The following GRM1 variants were observed in gnomAD, a reference collection of about 807,000 sequenced individuals.
The protein encoded by GRM1 is glutamate metabotropic receptor 1.
Under a neutral mutation model 90.9 loss-of-function variants are expected in GRM1, and 33 were observed. The observed-to-expected ratio is 0.36, with a 90% CI of 0.28 to 0.49. The LOEUF (loss-of-function observed/expected upper bound fraction) is 0.49. Ranked by LOEUF, GRM1 falls within the 20% of genes least tolerant of loss-of-function variation. The probability of loss-of-function intolerance (pLI) is 0.99; values close to 1 mark genes in which losing one functional copy is unlikely to be tolerated. For synonymous variants in GRM1, 700 were observed against 613.2 expected (o/e 1.14, Z -2.09); for missense variants, 1,190 against 1,534.3 (o/e 0.78, Z 3.75).
In GRM1 at chr6:146,434,450, T is replaced by C; in HGVS notation, c.3239T>C (p.Leu1080Pro). 6.2e-7 allele frequency: 1 copy of C among 1,613,976 alleles called. No individual in the cohort carries two copies. Among genetic ancestry groups the C allele is most frequent in the Non-Finnish European group, 8.5e-7 (1 of 1,179,974 alleles). Residue 1080 changes from leucine to proline, a missense_variant, in exon 8 of 8, where the codon CTG becomes CCG. This residue lies in a region of GRM1 where 400 missense variants were observed against 360.8 expected (regional missense o/e 1.11). Transcript: ENST00000282753. The part of the protein sequence containing the change: ...PPPQHLQMLP[L>P]QLSTFGEELV... Reference sequence around the variant, plus strand: ...CCGCAGCACCTGCAGATGCTGCCGCTGCAGCTGAGCACCTTTGGGGAGGAG... The same window carrying C: ...CCGCAGCACCTGCAGATGCTGCCGCCGCAGCTGAGCACCTTTGGGGAGGAG...
intron 2 of GRM1, among the ~76,000 whole-genome samples, chr6:146,253,018 A>G (rs188680597): frequency 6.6e-6 from 1 of 152,130 alleles, no homozygotes; most frequent in Non-Finnish European, 1.5e-5. Flanking sequence ...TGAGATTGTG[A>G]CACTGTGCTC....
intron 5 of GRM1, among the ~76,000 whole-genome samples, chr6:146,362,000 T>C (rs529800728): frequency 6.6e-6 from 1 of 152,330 alleles, no homozygotes; most frequent in South Asian, 2.1e-4. Flanking sequence ...GACTGAGACA[T>C]TGACAGAGAA....
intron 2 of GRM1, among the ~76,000 whole-genome samples, chr6:146,251,917 A>T (rs1315733157): frequency 6.6e-6 from 1 of 152,050 alleles, no homozygotes; most frequent in African/African-American, 2.4e-5. Context: ...GCTCTTCCTC[A>T]TATATTTCCA....
At chr6:146,326,173 C>T (rs974105044) in intron 3 of GRM1, among the ~76,000 whole-genome samples, 3 of 152,054 alleles carry the variant, frequency 2.0e-5, no homozygotes, top group African/African-American at 4.8e-5. Flanking sequence ...ACAATAGCAA[C>T]GATGTGGAAT....
rs79794190 is a variant in GRM1, at chr6:146,113,550, G to A, written c.701-45798G>A. ...GACTGAAGACTTCAAAAGTGAGAAT[G>A]CAAATGAGGATAGCTTCATTTCGTT... On this transcript the variant is annotated intron_variant, in intron 1 of 7. Coordinates refer to ENST00000282753, the MANE Select transcript of GRM1 (RefSeq NM_001278064.2). 6.8e-3 allele frequency among the ~76,000 whole-genome samples: 1,034 copies of A among 152,244 alleles called. 14 individuals are homozygous for A. The highest frequency in any genetic ancestry group is 0.023 in the African/African-American group (956 of 41,544).
In GRM1 at chr6:146,404,412, A is replaced by C. The variant is rs2300623; in HGVS notation, c.2660+4713A>C. 4.2e-3 allele frequency among the ~76,000 whole-genome samples: 632 copies of C among 152,242 alleles called. 15 individuals are homozygous for C. The East Asian group carries it at 0.078, about 19-fold the overall frequency. Reference sequence around the variant, plus strand: ...GACACTAAAAAATATAACTAAATGTACTGTGCTATGTGCCATAGTAGAAAA... The same window carrying C: ...GACACTAAAAAATATAACTAAATGTCCTGTGCTATGTGCCATAGTAGAAAA... On this transcript the variant is annotated intron_variant, in intron 7 of 7. Coordinates refer to ENST00000282753, the MANE Select transcript of GRM1 (RefSeq NM_001278064.2).
chr6:146,041,732 G>A (rs759554881), intron 1 of GRM1, among the ~76,000 whole-genome samples: 28 of 151,960 alleles, frequency 1.8e-4, no homozygotes, highest in African/African-American at 5.5e-4. Context: ...CCTCAGCTTC[G>A]AATTCTGGGT....
intron 1 of GRM1, among the ~76,000 whole-genome samples, chr6:146,087,374 G>A (rs984174455): frequency 9.2e-5 from 14 of 152,088 alleles, no homozygotes; most frequent in Admixed American, 7.9e-4. Flanking sequence ...GTCAAAACCA[G>A]GAAACTAACA....
At chr6:146,350,959 T>C (rs1428242531) in intron 3 of GRM1, among the ~76,000 whole-genome samples, 1 of 152,216 alleles carries the variant, frequency 6.6e-6, no homozygotes, top group Admixed American at 6.5e-5. Context: ...AGGGTAGATA[T>C]AAGGATATCC....
rs544762481 is a variant in GRM1, at chr6:146,291,739, C to A, written c.951-12872C>A. ...AATATTACTAATATGATAAAACTAT[C>A]TAAACAAATCTGTAAGTTTCAATTC... On this transcript the variant is annotated intron_variant, in intron 2 of 7. Coordinates refer to ENST00000282753, the MANE Select transcript of GRM1 (RefSeq NM_001278064.2). Among the ~76,000 whole-genome samples the A allele has an allele frequency of 2.0e-5, 3 of 151,970 alleles. No homozygotes were observed. In the East Asian group the frequency reaches 5.8e-4, roughly 29 times the overall value.
rs115297047 is a variant in GRM1, at chr6:146,435,139, G to A, written c.*343G>A. The A allele has an allele frequency of 2.4e-6, 1 of 415,450 alleles. No individual in the cohort carries two copies. The highest frequency in any genetic ancestry group is 4.5e-6 in the Non-Finnish European group (1 of 220,586). 25.7% of individuals were successfully genotyped at this position (415,450 alleles called of 1,614,324 possible). A position where few individuals can be genotyped will look rare whatever the true frequency, so the allele number is the denominator to read the frequency against. On this transcript the variant is annotated 3_prime_UTR_variant, in exon 8 of 8. Transcript: ENST00000282753. Reference sequence around the variant, plus strand: ...ACATAATGTCCTCTTTTGCACAATTGTGCATAGATATATATATGCCCACAC... The same window carrying A: ...ACATAATGTCCTCTTTTGCACAATTATGCATAGATATATATATGCCCACAC...
chr6:146,185,859 C>T (rs776138751), intron 2 of GRM1, among the ~76,000 whole-genome samples: 1 of 152,106 alleles, frequency 6.6e-6, no homozygotes, highest in African/African-American at 2.4e-5. Context: ...GAGAGTAATA[C>T]CATTAAGCTC....
Position 146,341,243 on chromosome 6 carries a change from T to G in GRM1, c.1187-11007T>G, listed in dbSNP as rs543310780. On this transcript the variant is annotated intron_variant, in intron 3 of 7. Coordinates refer to ENST00000282753, the MANE Select transcript of GRM1 (RefSeq NM_001278064.2). ...TTTTTCCTGTTTTCTTGGTTTTGGT[T>G]AGAAAAACCAAGTGGTTAGCAGTAT... Among the ~76,000 whole-genome samples the G allele has an allele frequency of 6.6e-5, 10 of 152,272 alleles. No homozygotes were observed. In the South Asian group the frequency reaches 2.1e-3, roughly 32 times the overall value.
rs140910734 is a variant in GRM1 at position 146,029,933 on chromosome 6, G to C, written c.416G>C (p.Arg139Pro). ...SIRDEKDGIN[R>P]CLPDGQSLPP... is the part of the protein sequence containing the mutation. ...CGAGATGAGAAGGATGGGATCAACC[G>C]GTGTCTGCCTGACGGCCAGTCCCTC... is the stretch of plus-strand genomic sequence containing the variant. Residue 139 changes from arginine to proline, a missense_variant, in exon 1 of 8, where the codon CGG becomes CCG. Coordinates refer to ENST00000282753, the MANE Select transcript of GRM1 (RefSeq NM_001278064.2). 1.9e-6 allele frequency: 3 copies of C among 1,614,136 alleles called. No homozygotes were observed. The highest frequency in any genetic ancestry group is 2.5e-6 in the Non-Finnish European group (3 of 1,180,020).
chr6:146,158,173 G>C (rs1219311340), intron 1 of GRM1, among the ~76,000 whole-genome samples: 1 of 152,102 alleles, frequency 6.6e-6, no homozygotes, highest in East Asian at 1.9e-4. Context: ...CATGGAATAG[G>C]TAGATGGTTG....
intron 3 of GRM1, among the ~76,000 whole-genome samples, chr6:146,305,181 G>A (rs1216150007): frequency 6.6e-6 from 1 of 151,888 alleles, no homozygotes; most frequent in Non-Finnish European, 1.5e-5. Context: ...ATAGACATAA[G>A]TCAGCAATAC....
chr6:146,307,610 A>G (rs1233259654), intron 3 of GRM1, among the ~76,000 whole-genome samples: 1 of 152,166 alleles, frequency 6.6e-6, no homozygotes, highest in Non-Finnish European at 1.5e-5. Context: ...GAATTCCATA[A>G]TCTTCTAACA....
intron 1 of GRM1, among the ~76,000 whole-genome samples, chr6:146,107,312 A>G (rs1031876913): frequency 7.2e-5 from 11 of 152,212 alleles, no homozygotes; most frequent in Non-Finnish European, 1.6e-4. Flanking sequence ...GGTGTAATGT[A>G]GTAGTATGCT....
At chr6:146,079,639 A>G (rs1477867119) in intron 1 of GRM1, among the ~76,000 whole-genome samples, 1 of 152,134 alleles carries the variant, frequency 6.6e-6, no homozygotes, top group Non-Finnish European at 1.5e-5. Flanking sequence ...CCCATTTTGT[A>G]TGGTACCTGG....
Sources: gnomAD v4.1 joint callset for allele counts (sites outside exome capture counted in the v4.1 genomes callset) on GRCh38, gnomAD v4.1.1 for gene constraint, gnomAD v4.1.1 regional missense constraint, MANE v1.5 for transcripts, NCBI Gene and HGNC (gene_info 2026-07-23, HGNC 2026-07-21) for gene names.